The following FOXK1 variants were observed in gnomAD, a reference collection of about 807,000 sequenced individuals.
FOXK1 encodes forkhead box K1, also known as forkhead box protein K1.
In FOXK1, 19 loss-of-function variants were observed where a neutral mutation model predicts 51.9. That is an observed-to-expected ratio of 0.37 (90% CI 0.26 to 0.54). The LOEUF (loss-of-function observed/expected upper bound fraction) is 0.54. Ranked by LOEUF, FOXK1 falls within the 20% of genes least tolerant of loss-of-function variation. FOXK1 has a pLI of 0.87. For synonymous variants in FOXK1, 537 were observed against 482.6 expected, an observed-to-expected ratio of 1.11 and a Z score of -1.48; for missense variants, 870 against 1,032.7, an observed-to-expected ratio of 0.84 and a Z score of 2.16.
At position 4,758,668 on chromosome 7, in the gene FOXK1, G is replaced by A. The variant is rs1780886825; in HGVS notation, c.1245-383G>A. The A allele has an allele frequency of 4.5e-6, 1 of 222,308 alleles. No homozygotes were observed. 13.8% of individuals were successfully genotyped at this position (222,308 alleles called of 1,614,324 possible). On this transcript the variant is annotated intron_variant, in intron 5 of 8. Transcript: ENST00000328914. This position sits in a 1 kb window ranked among gnomAD's most constrained non-coding sequence, Gnocchi z 4.4. ...AAATGACGTTCAAACACCCCTCTCGGGTAGAGTTTTCATGGTGGAACGGTT... is the reference window on the plus strand; with the variant it reads ...AAATGACGTTCAAACACCCCTCTCGAGTAGAGTTTTCATGGTGGAACGGTT...
intron 1 of FOXK1, among the ~76,000 whole-genome samples, chr7:4,706,726 C>T (rs1169744159): frequency 6.6e-6 from 1 of 152,210 alleles, no homozygotes; most frequent in South Asian, 2.1e-4. Context: ...GTGAAAGACA[C>T]GTACAGGGTG....
In FOXK1 at chr7:4,734,909, AT is replaced by A. The variant is rs1248872736; in HGVS notation, c.561-5925del. Among the ~76,000 whole-genome samples the A allele has an allele frequency of 6.6e-6, 1 of 152,194 alleles. No homozygotes were observed. The highest frequency in any genetic ancestry group is 1.5e-5 in the Non-Finnish European group (1 of 68,040). Reference sequence around the variant, plus strand: ...TGGACAGGAGCGATCTGTCACATTCATTTTAAAAATCGCCTCCGGAAGCTTT... The same window carrying A: ...TGGACAGGAGCGATCTGTCACATTCATTTAAAAATCGCCTCCGGAAGCTTT... On this transcript the variant is annotated intron_variant, in intron 1 of 8. Coordinates refer to ENST00000328914, the MANE Select transcript of FOXK1 (RefSeq NM_001037165.2). This position sits in a 1 kb window ranked among gnomAD's most constrained non-coding sequence, Gnocchi z 5.2.
In FOXK1 at chr7:4,735,246, A is replaced by C. The variant is rs538765492; in HGVS notation, c.561-5592A>C. Among the ~76,000 whole-genome samples, 2 of 152,044 alleles carry C rather than the reference A, an allele frequency of 1.3e-5. No homozygotes were observed. Among genetic ancestry groups the C allele is most frequent in the Non-Finnish European group, 2.9e-5 (2 of 67,992 alleles). ...CCAACCAAGTCACCAGTTTGGCCCA[A>C]CTTCCAGGAGCCATCAGCTTCTGGG... On this transcript the variant is annotated intron_variant, in intron 1 of 8. Transcript: ENST00000328914. This position sits in a 1 kb window ranked among gnomAD's most constrained non-coding sequence, Gnocchi z 4.7.
In FOXK1 at chr7:4,735,805, T is replaced by C. The variant is rs1780545191; in HGVS notation, c.561-5033T>C. ...CTAGAGCCCTGCACCTCCATCAAGA[T>C]ATTACAGGGAGAGATGTAACTGGCA... is the stretch of plus-strand genomic sequence containing the variant. On this transcript the variant is annotated intron_variant, in intron 1 of 8. Transcript: ENST00000328914. This position sits in a 1 kb window ranked among gnomAD's most constrained non-coding sequence, Gnocchi z 4.7. Among the ~76,000 whole-genome samples, 1 of 152,164 alleles carries C rather than the reference T, an allele frequency of 6.6e-6. No homozygotes were observed. The highest frequency in any genetic ancestry group is 2.1e-4 in the South Asian group (1 of 4,830).
rs1781017971 is a variant in FOXK1 at position 4,766,831 on chromosome 7, C to G, written c.*4367C>G. 1 of 152,232 alleles carries G rather than the reference C, an allele frequency of 6.6e-6. No homozygotes were observed. Among genetic ancestry groups the G allele is most frequent in the African/African-American group, 2.4e-5 (1 of 41,446 alleles). 9.4% of individuals were successfully genotyped at this position (152,232 alleles called of 1,614,324 possible). ...CCCTCCCTGGAGCACCCCCGGGGAG[C>G]TGGGACTCTCCAGAAAGCCCCGGGT... On this transcript the variant is annotated 3_prime_UTR_variant, in exon 9 of 9. Transcript: ENST00000328914. The surrounding 1 kb of genome is among the most constrained non-coding windows in gnomAD (Gnocchi z 5.5).
At chr7:4,740,775 T>C in intron 1 of FOXK1, 63 bp from the exon 2 acceptor site, 4 of 1,515,048 alleles carry the variant, frequency 2.6e-6, no homozygotes. Context: ...GCACCTTCCC[T>C]GGGTGTTGGC....
At chr7:4,689,576 G>T (rs1450025985) in intron 1 of FOXK1, among the ~76,000 whole-genome samples, 2 of 152,166 alleles carry the variant, frequency 1.3e-5, no homozygotes, top group Non-Finnish European at 2.9e-5. Context: ...CATGTTACCT[G>T]TCTGACCTGA....
rs1779757162 is a variant in FOXK1, at chr7:4,682,359, C to T, written c.51C>T (p.Arg17=). ...GCGCCCGCGCCCTGCTCGCGCTGCG[C>T]TCGGCGCCCTGCAGCCCAGTGCTGT... ...DSGARALLAL[R]SAPCSPVLCA... Residue 17 remains arginine (R), a synonymous_variant, in exon 1 of 9, where the codon CGC becomes CGT. Transcript: ENST00000328914. The surrounding 1 kb of genome is among the most constrained non-coding windows in gnomAD (Gnocchi z 7.6). The T allele has an allele frequency of 1.9e-5, 19 of 993,874 alleles. No individual in the cohort carries two copies. Among genetic ancestry groups the T allele is most frequent in the Non-Finnish European group, 2.1e-5 (18 of 837,318 alleles). The allele number at this position is 993,874 out of a possible 1,614,324, so 61.6% of individuals were successfully genotyped here. A position where few individuals can be genotyped will look rare whatever the true frequency, so the allele number is the denominator to read the frequency against.
At position 4,746,152 on chromosome 7, in the gene FOXK1, A is replaced by G. The variant is rs112422106; in HGVS notation, c.746+5129A>G. ...ATCAAAAATGAAAGTAACTCGTACA[A>G]TTCGGCGAAGGTCAGCAGTATGTAA... On this transcript the variant is annotated intron_variant, in intron 2 of 8. Coordinates refer to ENST00000328914, the MANE Select transcript of FOXK1 (RefSeq NM_001037165.2). Among the ~76,000 whole-genome samples, 643 of 152,316 alleles carry G rather than the reference A, an allele frequency of 4.2e-3. 4 individuals carry two copies. Among genetic ancestry groups the G allele is most frequent in the African/African-American group, 0.013 (558 of 41,566 alleles).
At position 4,715,801 on chromosome 7, in the gene FOXK1, G is replaced by A. The variant is rs369832663; in HGVS notation, c.561-25037G>A. ...CCGAAGAGCGCTCCCATCCACAGCC[G>A]GCTCTTTGAATACTTAAAGAAATGT... is the stretch of plus-strand genomic sequence containing the variant. On this transcript the variant is annotated intron_variant, in intron 1 of 8. Transcript: ENST00000328914. This position sits in a 1 kb window ranked among gnomAD's most constrained non-coding sequence, Gnocchi z 4.5. Among the ~76,000 whole-genome samples the A allele has an allele frequency of 3.9e-5, 6 of 152,106 alleles. No individual in the cohort carries two copies. Among genetic ancestry groups the A allele is most frequent in the Admixed American group, 1.3e-4 (2 of 15,262 alleles).
Position 4,692,944 on chromosome 7 carries a change from T to G in FOXK1, c.560+10076T>G, listed in dbSNP as rs1328865798. On this transcript the variant is annotated intron_variant, in intron 1 of 8. Transcript: ENST00000328914. ...GGTTGAGATGGGGTCTTGCCGCGTT[T>G]CCCTGACTGGTCTCAAACTCCTGGC... is the stretch of plus-strand genomic sequence containing the variant. 4.6e-5 allele frequency among the ~76,000 whole-genome samples: 7 copies of G among 152,228 alleles called. No individual in the cohort carries two copies. In the South Asian group the frequency reaches 1.2e-3, roughly 27 times the overall value.
rs137883796 is a variant in FOXK1 at position 4,755,335 on chromosome 7, C to T, written c.1002C>T (p.His334=). 3 of 1,613,852 alleles carry T rather than the reference C, an allele frequency of 1.9e-6. No individual in the cohort carries two copies. The highest frequency in any genetic ancestry group is 2.5e-6 in the Non-Finnish European group (3 of 1,180,052). The part of the protein sequence containing the change: ...RQLTLSGIYA[H]ITKHYPYYRT... ...TGACCCTGAGCGGGATCTACGCCCA[C>T]ATCACCAAGCATTACCCCTACTACC... is the stretch of plus-strand genomic sequence containing the variant. The change falls in exon 4 of 9, where the codon CAC becomes CAT. Residue 334 remains histidine, a synonymous_variant. Transcript: ENST00000328914. This position sits in a 1 kb window ranked among gnomAD's most constrained non-coding sequence, Gnocchi z 6.6.
intron 1 of FOXK1, among the ~76,000 whole-genome samples, chr7:4,737,939 A>G (rs529605785): frequency 1.3e-3 from 196 of 152,210 alleles, no homozygotes; most frequent in African/African-American, 4.6e-3. Flanking sequence ...CCTGACCAAC[A>G]TGGAAAAACC....
In FOXK1 at chr7:4,771,016, T is replaced by C. The variant is rs1781094193; in HGVS notation, c.*8552T>C. ...AGTGGAAATGTCAGTTCTAGAGCAT[T>C]GGATGTGAAGTTCTGGTCATGTCAC... On this transcript the variant is annotated 3_prime_UTR_variant, in exon 9 of 9. Transcript: ENST00000328914. The C allele has an allele frequency of 6.6e-6, 1 of 152,358 alleles. No individual in the cohort carries two copies. Among genetic ancestry groups the C allele is most frequent in the Non-Finnish European group, 1.5e-5 (1 of 68,018 alleles). The allele number at this position is 152,358 out of a possible 1,614,324, so 9.4% of individuals were successfully genotyped here. A position where few individuals can be genotyped will look rare whatever the true frequency, so the allele number is the denominator to read the frequency against.
rs773680601 is a variant in FOXK1 at position 4,741,010 on chromosome 7, A to T, written c.733A>T (p.Thr245Ser). ...RSMVSPVPSP[T>S]GTISVPNSCP... ...CATGGTCAGCCCCGTCCCCTCCCCG[A>T]CGGGCACCATCAGGTGAGTAGCCCC... Residue 245 changes from threonine (T) to serine (S), a missense_variant, in exon 2 of 9, where the codon ACG (threonine) becomes TCG (serine). Physicochemically the swap from Thr to Ser is moderately conservative, Grantham distance 58. Coordinates refer to ENST00000328914, the MANE Select transcript of FOXK1 (RefSeq NM_001037165.2). The T allele has an allele frequency of 6.6e-7, 1 of 1,524,498 alleles. No individual in the cohort carries two copies. Among genetic ancestry groups the T allele is most frequent in the East Asian group, 2.7e-5 (1 of 37,714 alleles). 94.4% of individuals were successfully genotyped at this position (1,524,498 alleles called of 1,614,324 possible). A position where few individuals can be genotyped will look rare whatever the true frequency, so the allele number is the denominator to read the frequency against.
rs1291760075 is a variant in FOXK1 at position 4,733,467 on chromosome 7, T to C, written c.561-7371T>C. The stretch of plus-strand genomic sequence containing the variant: ...TCCTGCCATCACAGCAGTATCTGGC[T>C]GTTGGGAAGGGGAGGAGTGAAGAAG... On this transcript the variant is annotated intron_variant, in intron 1 of 8. Coordinates refer to ENST00000328914, the MANE Select transcript of FOXK1 (RefSeq NM_001037165.2). The surrounding 1 kb of genome is among the most constrained non-coding windows in gnomAD (Gnocchi z 5.0). Among the ~76,000 whole-genome samples, 2 of 152,228 alleles carry C rather than the reference T, an allele frequency of 1.3e-5. No individual in the cohort carries two copies. The highest frequency in any genetic ancestry group is 4.8e-5 in the African/African-American group (2 of 41,464).
At chr7:4,736,706 G>T (rs909889975) in intron 1 of FOXK1, among the ~76,000 whole-genome samples, 1 of 152,162 alleles carries the variant, frequency 6.6e-6, no homozygotes, top group Non-Finnish European at 1.5e-5. Flanking sequence ...GAGCCTCCGT[G>T]CCCAGCCCAT....
intron 1 of FOXK1, among the ~76,000 whole-genome samples, chr7:4,691,025 G>A (rs1456757884): frequency 1.3e-5 from 2 of 152,096 alleles, no homozygotes; most frequent in Admixed American, 6.6e-5. Flanking sequence ...TTTTCATTGC[G>A]ACTATTACTT....
intron 1 of FOXK1, among the ~76,000 whole-genome samples, chr7:4,727,742 C>G (rs949501406): frequency 6.6e-6 from 1 of 152,250 alleles, no homozygotes; most frequent in Non-Finnish European, 1.5e-5. Context: ...GATGTCACAT[C>G]AGAGTGCTCT....
Sources: gnomAD v4.1 joint callset for allele counts (sites outside exome capture counted in the v4.1 genomes callset) on GRCh38, gnomAD v4.1.1 for gene constraint, Gnocchi (gnomAD v3.1) non-coding constraint, MANE v1.5 for transcripts, NCBI Gene and HGNC (gene_info 2026-07-23, HGNC 2026-07-21) for gene names.